CNTNAP1: variants seen among roughly 807,000 people sequenced by gnomAD.
CNTNAP1 encodes the protein contactin-associated protein 1.
Under a neutral mutation model 161.5 loss-of-function variants are expected in CNTNAP1, and 80 were observed. The ratio of observed to expected loss-of-function variants is 0.50; its 90% CI spans 0.41 to 0.60. The LOEUF (loss-of-function observed/expected upper bound fraction) is 0.60, where lower values mean the gene tolerates loss of function less well. Among genes scored for constraint, CNTNAP1 ranks in the 20% least tolerant of loss-of-function variants. The probability of loss-of-function intolerance (pLI) is 0.00; values close to 1 mark genes in which losing one functional copy is unlikely to be tolerated. For missense variants in CNTNAP1, 1,464 were observed against 1,854.8 expected, an observed-to-expected ratio of 0.79 and a Z score of 3.87; for synonymous variants, 695 against 733.1, an observed-to-expected ratio of 0.95 and a Z score of 0.84.
In CNTNAP1 at chr17:42,699,767, C is replaced by T. The variant is rs12449771; in HGVS notation, c.*857C>T. ...CTCTAGAGAAACTCTATATATTATTCGAATTTTTAAATTATTTGTTTATAT... is the reference window on the plus strand; with the variant it reads ...CTCTAGAGAAACTCTATATATTATTTGAATTTTTAAATTATTTGTTTATAT... On this transcript the variant is annotated 3_prime_UTR_variant, in exon 24 of 24. Coordinates refer to ENST00000264638, the MANE Select transcript of CNTNAP1 (RefSeq NM_003632.3). The T allele has an allele frequency of 0.029, 4,384 of 152,672 alleles. 78 individuals carry two copies. The highest frequency in any genetic ancestry group is 0.045 in the Non-Finnish European group (3,081 of 68,028). 9.5% of individuals were successfully genotyped at this position (152,672 alleles called of 1,614,324 possible). A position where few individuals can be genotyped will look rare whatever the true frequency, so the allele number is the denominator to read the frequency against.
At position 42,693,444 on chromosome 17, in the gene CNTNAP1, C is replaced by G. The variant is rs1225869065; in HGVS notation, c.2900C>G (p.Pro967Arg). 2 of 1,614,238 alleles carry G rather than the reference C, an allele frequency of 1.2e-6. No homozygotes were observed. Among genetic ancestry groups the G allele is most frequent in the South Asian group, 1.1e-5 (1 of 91,090 alleles). The change falls in exon 18 of 24, where the codon CCC becomes CGC. Residue 967 changes from proline (P) to arginine (R), a missense_variant. Coordinates refer to ENST00000264638, the MANE Select transcript of CNTNAP1 (RefSeq NM_003632.3). ...GGCCACTGTGCCCACCCTCGGCTCCCCTGTTTCCATGGAGGCCGCTGCGTG... is the reference window on the plus strand; with the variant it reads ...GGCCACTGTGCCCACCCTCGGCTCCGCTGTTTCCATGGAGGCCGCTGCGTG... ...CTGHCAHPRL[P>R]CFHGGRCVER...
intron 12 of CNTNAP1, 76 bp downstream of exon 12, chr17:42,690,283 G>C (rs761925663): frequency 1.3e-6 from 2 of 1,547,926 alleles, no homozygotes; most frequent in Non-Finnish European, 1.8e-6. Flanking sequence ...GGGCCAGTTA[G>C]ACTAAACAAG....
At position 42,687,016 on chromosome 17, in the gene CNTNAP1, C is replaced by T. The variant is rs1006572924; in HGVS notation, c.1014C>T (p.Ala338=). The part of the protein sequence containing the change: ...IFNRVNIADL[A]VRRHSRITFE... ...ACCGCGTCAACATCGCAGACCTGGC[C>T]GTGCGGCGCCATTCCCGGATCACCT... The change falls in exon 7 of 24, where the codon GCC becomes GCT. Residue 338 remains alanine (A), a synonymous_variant. Coordinates refer to ENST00000264638, the MANE Select transcript of CNTNAP1 (RefSeq NM_003632.3). The surrounding 1 kb of genome is among the most constrained non-coding windows in gnomAD (Gnocchi z 4.7). 9 of 1,613,558 alleles carry T rather than the reference C, an allele frequency of 5.6e-6. No individual in the cohort carries two copies. The Admixed American group carries it at 6.7e-5, about 12-fold the overall frequency.
At chr17:42,683,589 G>GCC in intron 1 of CNTNAP1, 1 of 1,397,682 alleles carries the variant, frequency 7.2e-7, no homozygotes, top group Non-Finnish European at 9.3e-7. Flanking sequence ...TCTGGCCTTG[G>GCC]GCCTATAGGT....
chr17:42,692,003 G>A lies in CNTNAP1; in HGVS notation c.2530+12G>A. On this transcript the variant is annotated intron_variant, in intron 16 of 23. Coordinates refer to ENST00000264638, the MANE Select transcript of CNTNAP1 (RefSeq NM_003632.3). ...GGTGGAACTCAACAGTGAGCAGGCA[G>A]ACTGTGGGAGGGCCTCGGGGTAGAT... 6.2e-7 allele frequency: 1 copy of A among 1,611,566 alleles called. No individual in the cohort carries two copies. Among genetic ancestry groups the A allele is most frequent in the African/African-American group, 1.3e-5 (1 of 75,020 alleles).
At position 42,684,155 on chromosome 17, in the gene CNTNAP1, G is replaced by T. The variant is rs775520960; in HGVS notation, c.289G>T (p.Val97Phe). Residue 97 changes from valine (V) to phenylalanine (F), a missense_variant, in exon 3 of 24, where the codon GTC becomes TTC. This residue lies in a region of CNTNAP1 where 1,383 missense variants were observed against 1,765.0 expected (regional missense o/e 0.78). Coordinates refer to ENST00000264638, the MANE Select transcript of CNTNAP1 (RefSeq NM_003632.3). ...TQGSFNSWDWVTRYMLLYGDR... is the reference protein window; with the variant it reads ...TQGSFNSWDWFTRYMLLYGDR... ...GGGCTCCTTTAATTCTTGGGACTGGGTCACACGTTACATGCTACTCTACGG... is the reference window on the plus strand; with the variant it reads ...GGGCTCCTTTAATTCTTGGGACTGGTTCACACGTTACATGCTACTCTACGG... 6.2e-7 allele frequency: 1 copy of T among 1,614,194 alleles called. No individual in the cohort carries two copies. The highest frequency in any genetic ancestry group is 8.5e-7 in the Non-Finnish European group (1 of 1,180,042).
chr17:42,695,197 C>T (rs1054385694), intron 18 of CNTNAP1, among the ~76,000 whole-genome samples: 1 of 152,228 alleles, frequency 6.6e-6, no homozygotes, highest in Non-Finnish European at 1.5e-5. Flanking sequence ...ATCTGCCTGC[C>T]TTGGCCTCCC....
At chr17:42,684,936 T>TA (rs1388046863) in intron 3 of CNTNAP1, 55 bp from the exon 4 acceptor site, 45 of 1,576,252 alleles carry the variant, frequency 2.9e-5, no homozygotes, top group African/African-American at 1.2e-4. Context: ...AAAAATAAAA[T>TA]AAAAAAAAGA....
At position 42,682,634 on chromosome 17, in the gene CNTNAP1, CAGAG is replaced by C. The variant is rs141298925; in HGVS notation, c.-182_-179del. The C allele has an allele frequency of 9.0e-4, 490 of 543,502 alleles. No homozygotes were observed. The highest frequency in any genetic ancestry group is 1.4e-3 in the East Asian group (42 of 30,696). The allele number at this position is 543,502 out of a possible 1,614,324, so 33.7% of individuals were successfully genotyped here. A position where few individuals can be genotyped will look rare whatever the true frequency, so the allele number is the denominator to read the frequency against. ...GAGAGAAGAGCGGAGGACCAGGAAC[CAGAG>C]AGAGAGAGAGAGAAAAGAGAGAGGA... On this transcript the variant is annotated 5_prime_UTR_variant, in exon 1 of 24. Transcript: ENST00000264638.
Position 42,691,074 on chromosome 17 carries a change from C to T in CNTNAP1, c.2060-63C>T, listed in dbSNP as rs956340783. On this transcript the variant is annotated intron_variant, in intron 13 of 23. Transcript: ENST00000264638. The surrounding 1 kb of genome is among the most constrained non-coding windows in gnomAD (Gnocchi z 4.3). The stretch of plus-strand genomic sequence containing the variant: ...GAGGGGTCTGAACTCGCTGGAAGGG[C>T]GAGAGGAGCCCAGAGGCTAATGGAG... 24 of 1,598,898 alleles carry T rather than the reference C, an allele frequency of 1.5e-5. No individual in the cohort carries two copies. The African/African-American group carries it at 2.0e-4, about 13-fold the overall frequency.
rs2053116886 is a variant in CNTNAP1 at position 42,693,437 on chromosome 17, C to T, written c.2893C>T (p.Arg965Trp). Residue 965 changes from arginine (R) to tryptophan (W), a missense_variant, in exon 18 of 24, where the codon CGG becomes TGG. By Grantham distance (101) the Arg-to-Trp change is moderately radical. This residue lies in a region of CNTNAP1 where 1,383 missense variants were observed against 1,765.0 expected (regional missense o/e 0.78). Coordinates refer to ENST00000264638, the MANE Select transcript of CNTNAP1 (RefSeq NM_003632.3). ...PNCTGHCAHP[R>W]LPCFHGGRCV... ...CTGCACAGGCCACTGTGCCCACCCT[C>T]GGCTCCCCTGTTTCCATGGAGGCCG... 1.9e-6 allele frequency: 3 copies of T among 1,614,240 alleles called. No homozygotes were observed. Among genetic ancestry groups the T allele is most frequent in the Non-Finnish European group, 2.5e-6 (3 of 1,180,048 alleles).
At chr17:42,689,463 G>C in intron 10 of CNTNAP1, 58 bp from the exon 11 acceptor site, 1 of 1,364,672 alleles carries the variant, frequency 7.3e-7, no homozygotes, top group Non-Finnish European at 1.0e-6. Flanking sequence ...GCAGGGATCA[G>C]ACCCCACTCT....
At position 42,691,157 on chromosome 17, in the gene CNTNAP1, TG is replaced by T. The variant is rs2053081373; in HGVS notation, c.2082del (p.Trp694Ter). 6.2e-7 allele frequency: 1 copy of T among 1,614,020 alleles called. No individual in the cohort carries two copies. The highest frequency in any genetic ancestry group is 1.3e-5 in the African/African-American group (1 of 74,926). On this transcript the variant is annotated frameshift_variant, in exon 14 of 24. Coordinates refer to ENST00000264638, the MANE Select transcript of CNTNAP1 (RefSeq NM_003632.3). LOFTEE classifies it high-confidence loss of function. This position sits in a 1 kb window ranked among gnomAD's most constrained non-coding sequence, Gnocchi z 4.3. The part of the protein sequence containing the change: ...NTAGGYPYSF[W>X]IGRNEEQHFY... ...CCCAGGAGGCTACCCCTACAGCTTT[TG>T]GATTGGCCGAAATGAGGAGCAGCAC...
At position 42,698,972 on chromosome 17, in the gene CNTNAP1, C is replaced by T. The variant is rs202217607; in HGVS notation, c.*62C>T. On this transcript the variant is annotated 3_prime_UTR_variant, in exon 24 of 24. Coordinates refer to ENST00000264638, the MANE Select transcript of CNTNAP1 (RefSeq NM_003632.3). ...CATTCCCCCAGTCCTGCCTCTCCCCCATCCTATCAGGGACATTTGGCTCCT... is the reference window on the plus strand; with the variant it reads ...CATTCCCCCAGTCCTGCCTCTCCCCTATCCTATCAGGGACATTTGGCTCCT... 4.2e-6 allele frequency: 6 copies of T among 1,437,474 alleles called. No individual in the cohort carries two copies. The highest frequency in any genetic ancestry group is 2.8e-5 in the African/African-American group (2 of 70,226). The allele number at this position is 1,437,474 out of a possible 1,614,324, so 89.0% of individuals were successfully genotyped here. A position where few individuals can be genotyped will look rare whatever the true frequency, so the allele number is the denominator to read the frequency against.
At position 42,683,843 on chromosome 17, in the gene CNTNAP1, G is replaced by T; in HGVS notation, c.90G>T (p.Val30=). 6.2e-7 allele frequency: 1 copy of T among 1,612,296 alleles called. No individual in the cohort carries two copies. Reference sequence around the variant, plus strand: ...TAGACGGCTGCGACGAGGAGCTGGTGGGTCCCCTGTATGCACGCTCCCTGG... The same window carrying T: ...TAGACGGCTGCGACGAGGAGCTGGTTGGTCCCCTGTATGCACGCTCCCTGG... ...WGYYGCDEEL[V]GPLYARSLGA... is the part of the protein sequence containing the mutation. Residue 30 remains valine (V), a synonymous_variant, in exon 2 of 24, where the codon GTG becomes GTT. Coordinates refer to ENST00000264638, the MANE Select transcript of CNTNAP1 (RefSeq NM_003632.3).
intron 17 of CNTNAP1, among the ~76,000 whole-genome samples, chr17:42,692,983 G>C (rs1432021652): frequency 9.0e-5 from 13 of 143,694 alleles, no homozygotes; most frequent in African/African-American, 3.4e-4. Flanking sequence ...TTGAGACGGA[G>C]TCTCGCTCTG....
chr17:42,683,371 A>C (rs902185632), intron 1 of CNTNAP1: 12 of 1,072,530 alleles, frequency 1.1e-5, no homozygotes, highest in African/African-American at 1.7e-5. Context: ...CTGGACATGG[A>C]GCTGGTGATG....
Position 42,696,151 on chromosome 17 carries a change from AG to A in CNTNAP1, c.3474+1del. 1 of 1,614,082 alleles carries A rather than the reference AG, an allele frequency of 6.2e-7. No homozygotes were observed. Among genetic ancestry groups the A allele is most frequent in the Non-Finnish European group, 8.5e-7 (1 of 1,179,990 alleles). On this transcript the variant is annotated frameshift_variant and splice_region_variant, in exon 20 of 24. Transcript: ENST00000264638. LOFTEE classifies it high-confidence loss of function. ...CGTGTTTACCGGAACCTCTTCATCC[AG>A]GTATGCATAGAGGGAGGTGAGCCAG... The part of the protein sequence containing the change: ...ITRVYRNLFI[Q>X]VDYFPLTEQK...
Position 42,691,026 on chromosome 17 carries a change from G to A in CNTNAP1, c.2059+84G>A, listed in dbSNP as rs1419205901. On this transcript the variant is annotated intron_variant, in intron 13 of 23. Transcript: ENST00000264638. This position sits in a 1 kb window ranked among gnomAD's most constrained non-coding sequence, Gnocchi z 4.3. Reference sequence around the variant, plus strand: ...AGAAGGAAGCCAGAGAGCCAGCTGGGGCCTTGGGTTGGAAGATTCAAGGAG... The same window carrying A: ...AGAAGGAAGCCAGAGAGCCAGCTGGAGCCTTGGGTTGGAAGATTCAAGGAG... 1 of 1,599,444 alleles carries A rather than the reference G, an allele frequency of 6.3e-7. No homozygotes were observed. Among genetic ancestry groups the A allele is most frequent in the Non-Finnish European group, 8.5e-7 (1 of 1,170,842 alleles).
Sources: gnomAD v4.1 joint callset for allele counts (sites outside exome capture counted in the v4.1 genomes callset) on GRCh38, gnomAD v4.1.1 for gene constraint, gnomAD v4.1.1 regional missense constraint, Gnocchi (gnomAD v3.1) non-coding constraint, MANE v1.5 for transcripts, NCBI Gene and HGNC (gene_info 2026-07-23, HGNC 2026-07-21) for gene names.